The following MEMO1 variants were observed in gnomAD, a reference collection of about 807,000 sequenced individuals.
MEMO1 encodes the protein mediator of cell motility 1, also known as protein MEMO1.
MEMO1 carries 6 observed loss-of-function variants against 45.2 expected under a neutral mutation model. The observed-to-expected ratio is 0.13, with a 90% confidence interval of 0.07 to 0.26. The LOEUF is 0.26. MEMO1 is among the 10% of genes least tolerant of loss of function. MEMO1 has a pLI of 1.00. For missense variants in MEMO1, 184 were observed against 370.5 expected (o/e 0.50, Z 4.13); for synonymous variants, 78 against 124.3 (o/e 0.63, Z 2.48).
chr2:31,965,674 C>T (rs1668533642), intron 2 of MEMO1, among the ~76,000 whole-genome samples: 1 of 152,160 alleles, frequency 6.6e-6, no homozygotes, highest in Admixed American at 6.5e-5. Context: ...TTTGCAGGGA[C>T]ATGGATGAAG....
intron 4 of MEMO1, among the ~76,000 whole-genome samples, chr2:31,921,412 T>C (rs1459038433): frequency 1.3e-5 from 2 of 152,226 alleles, no homozygotes; most frequent in Non-Finnish European, 2.9e-5. Context: ...TTCAATTCCT[T>C]ATTTCTGTCT....
chr2:31,969,686 T>C (rs1669149902), intron 2 of MEMO1, among the ~76,000 whole-genome samples: 1 of 145,516 alleles, frequency 6.9e-6, no homozygotes, highest in Non-Finnish European at 1.5e-5. Context: ...GCACAATCAC[T>C]GTAACCTCAA....
chr2:31,978,464 A>G (rs1670265808), intron 2 of MEMO1, among the ~76,000 whole-genome samples: 1 of 152,232 alleles, frequency 6.6e-6, no homozygotes, highest in Non-Finnish European at 1.5e-5. Flanking sequence ...GTTGGCTATA[A>G]TTATTAAAGA....
At chr2:32,010,162 G>A in intron 2 of MEMO1, 25 bp downstream of exon 2, 1 of 1,269,210 alleles carries the variant, frequency 7.9e-7, no homozygotes, top group Non-Finnish European at 1.0e-6. Flanking sequence ...ACGGCGGCGG[G>A]CGGGCCGGCG....
In MEMO1 at chr2:31,887,349, G is replaced by A. The variant is rs552870010; in HGVS notation, c.581-3887C>T. Among the ~76,000 whole-genome samples, 316 of 152,202 alleles carry A rather than the reference G, an allele frequency of 2.1e-3. 1 individual carries two copies. Among genetic ancestry groups the A allele is most frequent in the Non-Finnish European group, 3.2e-3 (216 of 67,980 alleles). On this transcript the variant is annotated intron_variant, in intron 7 of 9. Coordinates refer to ENST00000404530, the MANE Select transcript of MEMO1 (RefSeq NM_001301833.4). ...ACTGCAAAAATAAATAATGACCTTG[G>A]AAAGTTGATCTATAAAGCCCCCAAA... is the stretch of plus-strand genomic sequence containing the variant.
chr2:31,921,715 G>A (rs1682331237), intron 4 of MEMO1, among the ~76,000 whole-genome samples: 1 of 151,970 alleles, frequency 6.6e-6, no homozygotes, highest in Admixed American at 6.6e-5. Flanking sequence ...TTATAAAAAA[G>A]CATTCTGATA....
intron 6 of MEMO1, among the ~76,000 whole-genome samples, chr2:31,901,152 A>G (rs2148043796): frequency 6.6e-6 from 1 of 152,032 alleles, no homozygotes; most frequent in African/African-American, 2.4e-5. Context: ...TGGGCAGATC[A>G]CTTTGAGCTC....
chr2:32,001,901 G>A (rs867609196), intron 2 of MEMO1, among the ~76,000 whole-genome samples: 10 of 150,816 alleles, frequency 6.6e-5, no homozygotes, highest in South Asian at 2.1e-4. Flanking sequence ...CAATCCCAGC[G>A]CCTTGGGAGG....
chr2:31,928,121 C>G (rs1026981885), intron 4 of MEMO1, among the ~76,000 whole-genome samples: 62 of 152,146 alleles, frequency 4.1e-4, no homozygotes, highest in African/African-American at 1.5e-3. Flanking sequence ...AAAACAACAC[C>G]TGAAAACCTT....
intron 2 of MEMO1, among the ~76,000 whole-genome samples, chr2:31,964,853 T>C (rs956579153): frequency 6.6e-6 from 1 of 152,212 alleles, no homozygotes; most frequent in African/African-American, 2.4e-5. Context: ...TTTTTATTTG[T>C]ATTCCCTTCT....
chr2:31,891,898 G>A, intron 7 of MEMO1, 94 bp downstream of exon 7: 1 of 1,301,346 alleles, frequency 7.7e-7, no homozygotes, highest in Non-Finnish European at 1.1e-6. Flanking sequence ...CAAGGAAAGT[G>A]ATAAAAAACT....
At chr2:31,943,805 C>T (rs1006357572) in intron 2 of MEMO1, among the ~76,000 whole-genome samples, 7 of 152,094 alleles carry the variant, frequency 4.6e-5, no homozygotes, top group African/African-American at 1.7e-4. Context: ...ACTTCCACAC[C>T]CAATGATCTT....
chr2:31,943,357 C>T lies in MEMO1; in HGVS notation c.88G>A (p.Gly30Ser). 1 of 1,613,898 alleles carries T rather than the reference C, an allele frequency of 6.2e-7. No individual in the cohort carries two copies. Among genetic ancestry groups the T allele is most frequent in the Non-Finnish European group, 8.5e-7 (1 of 1,179,768 alleles). ...GTAGACTGTACTTGTGAAAGCCAAC[C>T]TTCTAGCTGTGCATTCAGCTGCGGT... ...SGPQLNAQLE[G>S]WLSQVQSTKR... Residue 30 changes from glycine (G) to serine (S), a missense_variant, in exon 3 of 10, where the codon GGT (glycine) becomes AGT (serine). Gly to Ser is a moderately conservative substitution (Grantham distance 56, BLOSUM62 0). This residue lies in a region of MEMO1 where 27 missense variants were observed against 82.1 expected (regional missense o/e 0.33). Coordinates refer to ENST00000404530, the MANE Select transcript of MEMO1 (RefSeq NM_001301833.4).
At chr2:31,986,502 T>C (rs1671280923) in intron 2 of MEMO1, among the ~76,000 whole-genome samples, 1 of 152,262 alleles carries the variant, frequency 6.6e-6, no homozygotes, top group Admixed American at 6.5e-5. Flanking sequence ...ATATAACTGT[T>C]ACCTTCACTC....
At chr2:31,938,295 G>C (rs1024644743) in intron 3 of MEMO1, among the ~76,000 whole-genome samples, 2 of 151,756 alleles carry the variant, frequency 1.3e-5, no homozygotes, top group Non-Finnish European at 2.9e-5. Flanking sequence ...ACTATATCCA[G>C]GTTCTGAGTT....
chr2:31,977,988 G>C (rs1185831113), intron 2 of MEMO1, among the ~76,000 whole-genome samples: 1 of 152,080 alleles, frequency 6.6e-6, no homozygotes, highest in East Asian at 1.9e-4. Context: ...ATATGACATG[G>C]TGATTAAGAG....
At position 31,913,830 on chromosome 2, in the gene MEMO1, C is replaced by A. The variant is rs138418558; in HGVS notation, c.437+4096G>T. On this transcript the variant is annotated intron_variant, in intron 6 of 9. Transcript: ENST00000404530. Reference sequence around the variant, plus strand: ...TCTACAAATCCAATCACCAAAAATTCTTCCCACCTCTCAATGCTCAATGTC... The same window carrying A: ...TCTACAAATCCAATCACCAAAAATTATTCCCACCTCTCAATGCTCAATGTC... Among the ~76,000 whole-genome samples, 12 of 152,260 alleles carry A rather than the reference C, an allele frequency of 7.9e-5. No individual in the cohort carries two copies. The East Asian group carries it at 1.9e-3, about 25-fold the overall frequency.
intron 2 of MEMO1, among the ~76,000 whole-genome samples, chr2:31,944,971 G>C (rs1158631360): frequency 1.3e-5 from 2 of 152,114 alleles, no homozygotes; most frequent in South Asian, 4.1e-4. Flanking sequence ...CCTTGGTTAA[G>C]AAATAAATGA....
intron 3 of MEMO1, among the ~76,000 whole-genome samples, chr2:31,932,443 TG>T (rs1308290477): frequency 3.3e-5 from 5 of 150,852 alleles, no homozygotes; most frequent in African/African-American, 1.2e-4. Context: ...TTTTTGTTGT[TG>T]TTTTTTTTTT....
Sources: gnomAD v4.1 joint callset for allele counts (sites outside exome capture counted in the v4.1 genomes callset) on GRCh38, gnomAD v4.1.1 for gene constraint, gnomAD v4.1.1 regional missense constraint, MANE v1.5 for transcripts, NCBI Gene and HGNC (gene_info 2026-07-23, HGNC 2026-07-21) for gene names.